SERINC5: variants seen among roughly 807,000 people sequenced by gnomAD.
SERINC5 encodes serine incorporator 5.
Under a neutral mutation model 63.1 loss-of-function variants are expected in SERINC5, and 41 were observed. That is an observed-to-expected ratio of 0.65 (90% CI 0.51 to 0.84). The LOEUF is 0.84. Among genes scored for constraint, SERINC5 ranks in the 40% least tolerant of loss-of-function variants. SERINC5 has a pLI of 0.00. For missense variants in SERINC5, 523 were observed against 573.0 expected (o/e 0.91, Z 0.89); for synonymous variants, 222 against 215.2 (o/e 1.03, Z -0.28).
At chr5:80,160,942 ATGTGTATATATATATGTG>A (rs1561380360) in intron 7 of SERINC5, among the ~76,000 whole-genome samples, 1 of 139,832 alleles carries the variant, frequency 7.2e-6, no homozygotes. Flanking sequence ...GTGTATATAT[ATGTGTATATATATATGTG>A]TGTGTATATA....
chr5:80,126,576 C>T lies in SERINC5; in HGVS notation c.1239-12951G>A, dbSNP rs571223743. On this transcript the variant is annotated intron_variant, in intron 11 of 12. Transcript: ENST00000509193. The stretch of plus-strand genomic sequence containing the variant: ...GACAGGTTGAGATATATCTAAAACA[C>T]AAAATCTCCAACATACATTTTCTTC... Among the ~76,000 whole-genome samples the T allele has an allele frequency of 3.9e-5, 6 of 152,310 alleles. No individual in the cohort carries two copies. In the East Asian group the frequency reaches 1.2e-3, roughly 29 times the overall value.
chr5:80,200,536 T>G (rs141341540), intron 2 of SERINC5, among the ~76,000 whole-genome samples: 1 of 151,972 alleles, frequency 6.6e-6, no homozygotes, highest in East Asian at 1.9e-4. Context: ...ACTTCTCTTC[T>G]GAATTATAAG....
At chr5:80,185,669 A>G (rs1370222309) in intron 2 of SERINC5, among the ~76,000 whole-genome samples, 1 of 152,036 alleles carries the variant, frequency 6.6e-6, no homozygotes, top group Non-Finnish European at 1.5e-5. Flanking sequence ...AATTACAGTC[A>G]AAGGGGGTTC....
At chr5:80,253,514 T>A (rs1361440969) in intron 1 of SERINC5, among the ~76,000 whole-genome samples, 1 of 152,100 alleles carries the variant, frequency 6.6e-6, no homozygotes, top group Non-Finnish European at 1.5e-5. Context: ...CTCAGAATCC[T>A]CCCACAGCCT....
rs1036442033 is a variant in SERINC5 at position 80,222,739 on chromosome 5, A to C, written c.28-19686T>G. 2.6e-5 allele frequency among the ~76,000 whole-genome samples: 4 copies of C among 151,686 alleles called. No homozygotes were observed. In the Middle Eastern group the frequency reaches 0.01, roughly 387 times the overall value. The stretch of plus-strand genomic sequence containing the variant: ...AGGTGCCTGCCACCACACCTGGCTA[A>C]TTTTTTGTATTTTTAGTAGAGATGG... On this transcript the variant is annotated intron_variant, in intron 1 of 11. Coordinates refer to ENST00000507668, the MANE Select transcript of SERINC5 (RefSeq NM_001174072.3).
At chr5:80,118,553 C>A (rs555382526) in intron 11 of SERINC5, among the ~76,000 whole-genome samples, 37 of 151,300 alleles carry the variant, frequency 2.4e-4, no homozygotes, top group East Asian at 2.1e-3. Flanking sequence ...TCTTTTTTTT[C>A]TTTCTTTCTT....
chr5:80,140,910 G>C lies in SERINC5; in HGVS notation c.*2753C>G. On this transcript the variant is annotated 3_prime_UTR_variant, in exon 12 of 12. Coordinates refer to ENST00000507668, the MANE Select transcript of SERINC5 (RefSeq NM_001174072.3). Reference sequence around the variant, plus strand: ...ATACTCTTTAGGTCATGTACAAAAAGGTGTAGGAAGCAAATGTCTATTATT... The same window carrying C: ...ATACTCTTTAGGTCATGTACAAAAACGTGTAGGAAGCAAATGTCTATTATT... 1.0e-6 allele frequency: 1 copy of C among 985,236 alleles called. No individual in the cohort carries two copies. Among genetic ancestry groups the C allele is most frequent in the Non-Finnish European group, 1.2e-6 (1 of 829,812 alleles). The allele number at this position is 985,236 out of a possible 1,614,324, so 61.0% of individuals were successfully genotyped here. A position where few individuals can be genotyped will look rare whatever the true frequency, so the allele number is the denominator to read the frequency against.
chr5:80,210,127 G>A (rs761172572), intron 1 of SERINC5, among the ~76,000 whole-genome samples: 10 of 152,178 alleles, frequency 6.6e-5, no homozygotes, highest in African/African-American at 9.7e-5. Context: ...TGGTATTGCT[G>A]TATGTTGGGC....
chr5:80,142,711 G>C lies in SERINC5; in HGVS notation c.*952C>G. The C allele has an allele frequency of 1.0e-6, 1 of 985,382 alleles. No individual in the cohort carries two copies. The highest frequency in any genetic ancestry group is 1.2e-6 in the Non-Finnish European group (1 of 829,942). The allele number at this position is 985,382 out of a possible 1,614,324, so 61.0% of individuals were successfully genotyped here. A position where few individuals can be genotyped will look rare whatever the true frequency, so the allele number is the denominator to read the frequency against. ...CCTCAAGGTGGAGAAAAAACTGAGGGGCTGACCTCAACAACTGAAAGAGCA... is the reference window on the plus strand; with the variant it reads ...CCTCAAGGTGGAGAAAAAACTGAGGCGCTGACCTCAACAACTGAAAGAGCA... On this transcript the variant is annotated 3_prime_UTR_variant, in exon 12 of 12. Coordinates refer to ENST00000507668, the MANE Select transcript of SERINC5 (RefSeq NM_001174072.3).
chr5:80,232,391 G>A (rs1386626631), intron 1 of SERINC5, among the ~76,000 whole-genome samples: 6 of 143,666 alleles, frequency 4.2e-5, no homozygotes, highest in Admixed American at 1.4e-4. Context: ...GCGACAGAGT[G>A]AGACTCTGTC....
chr5:80,139,673 A>G lies in SERINC5; in HGVS notation c.*3990T>C. On this transcript the variant is annotated 3_prime_UTR_variant, in exon 12 of 12. Transcript: ENST00000507668. ...TGTGAAGTCAAAGGCCCAACATTAC[A>G]GAGCGCACCTCTGCCTGAAATACAA... 1.0e-6 allele frequency: 1 copy of G among 985,376 alleles called. No individual in the cohort carries two copies. Among genetic ancestry groups the G allele is most frequent in the Non-Finnish European group, 1.2e-6 (1 of 829,954 alleles). The allele number at this position is 985,376 out of a possible 1,614,324, so 61.0% of individuals were successfully genotyped here.
At chr5:80,212,155 A>G (rs1750463423) in intron 1 of SERINC5, among the ~76,000 whole-genome samples, 1 of 152,228 alleles carries the variant, frequency 6.6e-6, no homozygotes, top group African/African-American at 2.4e-5. Context: ...AAGGAAAGAC[A>G]TCAAGTTTTC....
chr5:80,220,095 G>A (rs1750832388), intron 1 of SERINC5, among the ~76,000 whole-genome samples: 1 of 152,120 alleles, frequency 6.6e-6, no homozygotes, highest in African/African-American at 2.4e-5. Context: ...TGTAATCCCA[G>A]CTACTCAGGA....
chr5:80,226,222 A>C (rs1422832233), intron 1 of SERINC5, among the ~76,000 whole-genome samples: 1 of 152,106 alleles, frequency 6.6e-6, no homozygotes, highest in African/African-American at 2.4e-5. Flanking sequence ...ATGCCTGGCT[A>C]ATTTTTTGTA....
chr5:80,211,114 G>A lies in SERINC5; in HGVS notation c.28-8061C>T, dbSNP rs540979183. Among the ~76,000 whole-genome samples, 3 of 152,328 alleles carry A rather than the reference G, an allele frequency of 2.0e-5. No homozygotes were observed. In the East Asian group the frequency reaches 5.8e-4, roughly 29 times the overall value. On this transcript the variant is annotated intron_variant, in intron 1 of 11. Coordinates refer to ENST00000507668, the MANE Select transcript of SERINC5 (RefSeq NM_001174072.3). ...AAAACAAACTGCAACAGGCAAGCAT[G>A]ATGAGTTAACCCCAGAGCAAGGAGG...
chr5:80,163,695 C>T (rs1485107412), intron 7 of SERINC5, among the ~76,000 whole-genome samples: 2 of 151,976 alleles, frequency 1.3e-5, no homozygotes, highest in Non-Finnish European at 2.9e-5. Context: ...TATGTTGAAC[C>T]ATTCTTGCAT....
intron 4 of SERINC5, 100 bp from the exon 5 acceptor site, chr5:80,175,147 T>C (rs1452495956): frequency 1.4e-6 from 1 of 694,344 alleles, no homozygotes; most frequent in African/African-American, 1.8e-5. Flanking sequence ...TCAGTGTACC[T>C]AACATATTTG....
intron 1 of SERINC5, among the ~76,000 whole-genome samples, chr5:80,203,764 CTCT>C (rs1264038056): frequency 6.6e-6 from 1 of 152,116 alleles, no homozygotes; most frequent in East Asian, 1.9e-4. Flanking sequence ...GTTACTAATG[CTCT>C]TTTCAGTCAT....
chr5:80,251,302 A>G (rs59720591), intron 1 of SERINC5, among the ~76,000 whole-genome samples: 31 of 133,326 alleles, frequency 2.3e-4, no homozygotes, highest in East Asian at 7.0e-4. Context: ...ATACATACAT[A>G]CATACATACA....
Sources: allele counts gnomAD v4.1 joint callset (sites outside exome capture counted in the v4.1 genomes callset), GRCh38; gene constraint gnomAD v4.1.1; transcripts MANE v1.5; gene names NCBI Gene and HGNC (gene_info 2026-07-23, HGNC 2026-07-21).